Variants in ROR2 observed in about 807,000 individuals in gnomAD.
ROR2 encodes the protein ROR family WNT receptor 2.
ROR2 carries 33 observed loss-of-function variants against 74.9 expected under a neutral mutation model. That is an observed-to-expected ratio of 0.44 (90% confidence interval 0.33 to 0.59). The LOEUF is 0.59. ROR2 is among the 20% of genes least tolerant of loss of function. ROR2 has a pLI of 0.02. For synonymous variants in ROR2, 586 were observed against 558.7 expected (o/e 1.05, Z -0.69); for missense variants, 1,216 against 1,313.8 (o/e 0.93, Z 1.15).
intron 1 of ROR2, among the ~76,000 whole-genome samples, chr9:91,795,120 T>C (rs912420890): frequency 4.7e-5 from 7 of 149,424 alleles, no homozygotes; most frequent in African/African-American, 1.5e-4. Flanking sequence ...TCCATCTCAA[T>C]AGAAAAAAAA....
intron 1 of ROR2, among the ~76,000 whole-genome samples, chr9:91,914,954 T>C (rs1287026407): frequency 7.0e-6 from 1 of 143,140 alleles, no homozygotes. Context: ...TATGGGTAGG[T>C]GGGTCCATCA....
intron 2 of ROR2, among the ~76,000 whole-genome samples, chr9:91,772,665 T>A (rs1254108589): frequency 6.6e-6 from 1 of 152,230 alleles, no homozygotes; most frequent in Non-Finnish European, 1.5e-5. Context: ...TCCGTGTTTC[T>A]GTGCTCTGGA....
chr9:91,727,334 C>G (rs1183157343), intron 7 of ROR2, among the ~76,000 whole-genome samples: 4 of 152,010 alleles, frequency 2.6e-5, no homozygotes, highest in Non-Finnish European at 4.4e-5. Context: ...CAATATGCAA[C>G]AGGGGCACAA....
intron 1 of ROR2, among the ~76,000 whole-genome samples, chr9:91,780,375 TA>T (rs202073940): frequency 9.4e-5 from 11 of 116,942 alleles, no homozygotes; most frequent in African/African-American, 1.2e-4. Flanking sequence ...AGACTCCGTC[TA>T]AAAAAAAAAT....
intron 1 of ROR2, among the ~76,000 whole-genome samples, chr9:91,881,145 A>G (rs971308179): frequency 3.3e-5 from 5 of 152,238 alleles, no homozygotes; most frequent in South Asian, 2.1e-4. Flanking sequence ...CTTCACAAAT[A>G]TAACTTGGAA....
At chr9:91,826,325 C>A (rs1828289659) in intron 1 of ROR2, among the ~76,000 whole-genome samples, 1 of 152,176 alleles carries the variant, frequency 6.6e-6, no homozygotes, top group African/African-American at 2.4e-5. Flanking sequence ...ATACTCCAGA[C>A]CCCCTTTCTT....
chr9:91,873,510 C>G (rs1458973640), intron 1 of ROR2, among the ~76,000 whole-genome samples: 3 of 152,186 alleles, frequency 2.0e-5, no homozygotes, highest in Admixed American at 1.3e-4. Context: ...ATTGCTTGAA[C>G]CCGGGAGGCG....
chr9:91,895,779 G>A (rs935823833), intron 1 of ROR2, among the ~76,000 whole-genome samples: 21 of 152,178 alleles, frequency 1.4e-4, no homozygotes, highest in Admixed American at 7.9e-4. Context: ...GAAAGACGGC[G>A]GTTGCAGTGA....
intron 1 of ROR2, among the ~76,000 whole-genome samples, chr9:91,918,957 A>C (rs1161899537): frequency 6.6e-6 from 1 of 152,090 alleles, no homozygotes; most frequent in East Asian, 1.9e-4. Flanking sequence ...CCACAGACTG[A>C]GTGTCCCTCT....
At chr9:91,732,015 A>G (rs936694096) in intron 6 of ROR2, among the ~76,000 whole-genome samples, 7 of 152,138 alleles carry the variant, frequency 4.6e-5, no homozygotes, top group Admixed American at 6.5e-5. Flanking sequence ...CCCACGGAAT[A>G]TAAGGATATG....
At position 91,935,124 on chromosome 9, in the gene ROR2, G is replaced by A. The variant is rs146071677; in HGVS notation, c.97+14743C>T. Among the ~76,000 whole-genome samples the A allele has an allele frequency of 1.4e-4, 21 of 150,320 alleles. No homozygotes were observed. The East Asian group carries it at 3.0e-3, about 21-fold the overall frequency. On this transcript the variant is annotated intron_variant, in intron 1 of 8. Transcript: ENST00000375708. ...ACCTTCCAGTCCCAAGTCCCCGGCG[G>A]CCACCTGGGTCCACACTGACACCCC...
chr9:91,845,262 G>C (rs1050685665), intron 1 of ROR2, among the ~76,000 whole-genome samples: 7 of 152,114 alleles, frequency 4.6e-5, no homozygotes, highest in Non-Finnish European at 1.0e-4. Context: ...TCCTGGGGAA[G>C]CCAGGCCCTG....
chr9:91,824,627 A>G (rs961722476), intron 1 of ROR2, among the ~76,000 whole-genome samples: 1 of 152,080 alleles, frequency 6.6e-6, no homozygotes, highest in South Asian at 2.1e-4. Flanking sequence ...GCACACCAAA[A>G]ATGTTCCCAG....
Position 91,733,517 on chromosome 9 carries a change from G to T in ROR2, c.623-81C>A, listed in dbSNP as rs1824903837. 6.9e-7 allele frequency: 1 copy of T among 1,455,754 alleles called. No individual in the cohort carries two copies. The highest frequency in any genetic ancestry group is 9.2e-7 in the Non-Finnish European group (1 of 1,082,596). The allele number at this position is 1,455,754 out of a possible 1,614,324, so 90.2% of individuals were successfully genotyped here. Reference sequence around the variant, plus strand: ...TCATCCAGTCCCCACCCCCAGCCTGGCATCCCAGACTGCCCACTCAGCCCC... The same window carrying T: ...TCATCCAGTCCCCACCCCCAGCCTGTCATCCCAGACTGCCCACTCAGCCCC... On this transcript the variant is annotated intron_variant, in intron 5 of 8. Transcript: ENST00000375708. This position sits in a 1 kb window ranked among gnomAD's most constrained non-coding sequence, Gnocchi z 5.7.
intron 2 of ROR2, among the ~76,000 whole-genome samples, chr9:91,766,547 A>G (rs1400536849): frequency 6.6e-6 from 1 of 152,216 alleles, no homozygotes; most frequent in African/African-American, 2.4e-5. Context: ...GGGGCCAAAC[A>G]TGAAAGCGGG....
chr9:91,887,118 G>C (rs1830303385), intron 1 of ROR2: 1 of 152,190 alleles, frequency 6.6e-6, no homozygotes, highest in African/African-American at 2.4e-5. Context: ...CCCATCCTAG[G>C]CAAAGGGTAC....
intron 2 of ROR2, among the ~76,000 whole-genome samples, chr9:91,774,791 G>C (rs531316075): frequency 6.6e-6 from 1 of 152,180 alleles, no homozygotes; most frequent in Admixed American, 6.5e-5. Flanking sequence ...AGCATGATTC[G>C]ATACTTTTTT....
intron 2 of ROR2, 95 bp from the exon 3 acceptor site, chr9:91,757,654 G>A: frequency 2.1e-6 from 3 of 1,451,422 alleles, no homozygotes; most frequent in Non-Finnish European, 2.8e-6. Context: ...CCAAGGGAAG[G>A]TTTCGATTTT....
chr9:91,831,505 G>A (rs1481464296), intron 1 of ROR2, among the ~76,000 whole-genome samples: 1 of 152,110 alleles, frequency 6.6e-6, no homozygotes, highest in African/African-American at 2.4e-5. Flanking sequence ...GCCAGGTGTG[G>A]TGGCTCTCAA....
Sources: gnomAD v4.1 joint callset for allele counts (sites outside exome capture counted in the v4.1 genomes callset) on GRCh38, gnomAD v4.1.1 for gene constraint, Gnocchi (gnomAD v3.1) non-coding constraint, MANE v1.5 for transcripts, NCBI Gene and HGNC (gene_info 2026-07-23, HGNC 2026-07-21) for gene names.